The following ZNF277 variants were observed in gnomAD, a reference collection of about 807,000 sequenced individuals.
ZNF277 encodes the protein zinc finger protein 277.
In ZNF277, 55 loss-of-function variants were observed where a neutral mutation model predicts 60.7. The observed-to-expected ratio is 0.91, with a 90% CI of 0.73 to 1.13. The LOEUF is 1.13. Ranked by LOEUF, ZNF277 falls within the 50% of genes most tolerant of loss-of-function variation. The pLI, the probability that ZNF277 is intolerant of heterozygous loss-of-function variation, is 0.00. For missense variants in ZNF277, 510 were observed against 523.0 expected (o/e 0.98, Z 0.24); for synonymous variants, 178 against 179.3 (o/e 0.99, Z 0.06).
At chr7:112,208,599 T>C (rs189232988) in intron 1 of ZNF277, among the ~76,000 whole-genome samples, 124 of 150,382 alleles carry the variant, frequency 8.2e-4, no homozygotes, top group African/African-American at 2.5e-3. Flanking sequence ...TCTTCTTCTT[T>C]TTTTTTTTTT....
intron 6 of ZNF277, 127 bp from the exon 7 acceptor site, chr7:112,329,957 A>G (rs898709930): frequency 1.3e-5 from 14 of 1,039,724 alleles, no homozygotes; most frequent in Admixed American, 3.0e-5. Flanking sequence ...TCTGACAAGG[A>G]TGGTATATCC....
chr7:112,317,924 A>G (rs74968742), intron 4 of ZNF277, among the ~76,000 whole-genome samples: 8,820 of 152,146 alleles, frequency 0.058, 685 homozygotes, highest in African/African-American at 0.18. Flanking sequence ...ACACTGGAAA[A>G]GACAGGGTAG....
intron 1 of ZNF277, 25 bp downstream of exon 1, chr7:112,206,832 G>A: frequency 6.2e-7 from 1 of 1,606,894 alleles, no homozygotes; most frequent in South Asian, 1.1e-5. Flanking sequence ...CCGGAGGCGC[G>A]GCTGATGTGT....
chr7:112,325,024 A>G (rs879667001), intron 5 of ZNF277, among the ~76,000 whole-genome samples: 7 of 152,232 alleles, frequency 4.6e-5, no homozygotes, highest in African/African-American at 9.6e-5. Flanking sequence ...TCACATACTA[A>G]TCTCTTCCAG....
chr7:112,290,627 C>G (rs1476132642), intron 2 of ZNF277, among the ~76,000 whole-genome samples: 1 of 152,122 alleles, frequency 6.6e-6, no homozygotes, highest in African/African-American at 2.4e-5. Flanking sequence ...AATTTTCACT[C>G]TCAGCAAGTA....
At chr7:112,303,359 AT>A (rs1230797241) in intron 4 of ZNF277, among the ~76,000 whole-genome samples, 1 of 152,070 alleles carries the variant, frequency 6.6e-6, no homozygotes, top group African/African-American at 2.4e-5. Context: ...ATTGTAAATA[AT>A]TTTTTAAAGA....
At chr7:112,332,267 A>C (rs1409379510) in intron 7 of ZNF277, among the ~76,000 whole-genome samples, 1 of 152,218 alleles carries the variant, frequency 6.6e-6, no homozygotes, top group Non-Finnish European at 1.5e-5. Flanking sequence ...ATCTGCAGGC[A>C]CTATCCTAGG....
chr7:112,276,268 G>A (rs10238141), intron 1 of ZNF277, among the ~76,000 whole-genome samples: 21,712 of 152,176 alleles, frequency 0.14, 1,601 homozygotes, highest in East Asian at 0.16. Context: ...TTCTAGAAAG[G>A]TTGGACATGT....
intron 4 of ZNF277, among the ~76,000 whole-genome samples, chr7:112,313,129 G>T (rs1792768440): frequency 6.6e-6 from 1 of 151,918 alleles, no homozygotes; most frequent in African/African-American, 2.4e-5. Flanking sequence ...AAAAGTAATT[G>T]TGTTCTATAC....
chr7:112,245,371 A>G (rs987638754), intron 1 of ZNF277, among the ~76,000 whole-genome samples: 2 of 152,162 alleles, frequency 1.3e-5, no homozygotes, highest in African/African-American at 2.4e-5. Context: ...ATGGCTCTAT[A>G]TTATTGTGAC....
chr7:112,330,628 G>A (rs1364319394), intron 7 of ZNF277, among the ~76,000 whole-genome samples: 2 of 140,940 alleles, frequency 1.4e-5, no homozygotes, highest in East Asian at 2.2e-4. Flanking sequence ...GCAGTGGCAC[G>A]ATCTCGGCTC....
chr7:112,333,499 G>C (rs1793269162), intron 7 of ZNF277, among the ~76,000 whole-genome samples: 1 of 152,158 alleles, frequency 6.6e-6, no homozygotes, highest in South Asian at 2.1e-4. Flanking sequence ...TGCAGTCATT[G>C]AGTCATTCAC....
chr7:112,320,037 T>C (rs2117114672), intron 5 of ZNF277, among the ~76,000 whole-genome samples: 1 of 152,242 alleles, frequency 6.6e-6, no homozygotes, highest in African/African-American at 2.4e-5. Flanking sequence ...ATCAGAGATC[T>C]CTCATATCGG....
At chr7:112,308,697 G>C (rs1792655595) in intron 4 of ZNF277, among the ~76,000 whole-genome samples, 1 of 152,028 alleles carries the variant, frequency 6.6e-6, no homozygotes. Flanking sequence ...TCTGTGCTTA[G>C]GATGTAGAAG....
At chr7:112,250,673 G>A (rs1005227411) in intron 1 of ZNF277, among the ~76,000 whole-genome samples, 21 of 152,104 alleles carry the variant, frequency 1.4e-4, no homozygotes, top group African/African-American at 4.3e-4. Context: ...CAGGTTCCCC[G>A]ATAGTTGAGA....
rs1299369649 is a variant in ZNF277 at position 112,286,938 on chromosome 7, G to A, written c.157G>A (p.Glu53Lys). 1.9e-6 allele frequency: 3 copies of A among 1,596,704 alleles called. No individual in the cohort carries two copies. The East Asian group carries it at 6.9e-5, about 36-fold the overall frequency. ...AAGTCCAGGTGGCACCACCACTTTA[G>A]AAGGTTCTCCATCTGTGCCTTGTAT... ...PESPGGTTTL[E>K]GSPSVPCIFC... The change falls in exon 2 of 12, where the codon GAA becomes AAA. Residue 53 changes from glutamate to lysine, a missense_variant. By Grantham distance (56) the Glu-to-Lys change is moderately conservative. Coordinates refer to ENST00000361822, the MANE Select transcript of ZNF277 (RefSeq NM_021994.3).
chr7:112,317,722 T>C (rs1479369295), intron 4 of ZNF277, among the ~76,000 whole-genome samples: 1 of 152,080 alleles, frequency 6.6e-6, no homozygotes, highest in African/African-American at 2.4e-5. Flanking sequence ...ACTTTATTTA[T>C]GGTAACCCAC....
chr7:112,225,311 A>G (rs1344682173), intron 1 of ZNF277, among the ~76,000 whole-genome samples: 1 of 152,214 alleles, frequency 6.6e-6, no homozygotes, highest in Non-Finnish European at 1.5e-5. Context: ...ACAGTTGCCC[A>G]TATGGCCACT....
chr7:112,211,357 C>G (rs1400330686), intron 1 of ZNF277, among the ~76,000 whole-genome samples: 3 of 152,152 alleles, frequency 2.0e-5, no homozygotes, highest in South Asian at 2.1e-4. Flanking sequence ...TGAACCTGTT[C>G]CCTCTATTCA....
Sources: allele counts gnomAD v4.1 joint callset (sites outside exome capture counted in the v4.1 genomes callset), GRCh38; gene constraint gnomAD v4.1.1; transcripts MANE v1.5; gene names NCBI Gene and HGNC (gene_info 2026-07-23, HGNC 2026-07-21).